Variants in VPS13B observed in about 807,000 individuals in gnomAD.
VPS13B encodes the protein intermembrane lipid transfer protein VPS13B.
A neutral mutation model predicts 426.4 loss-of-function variants in VPS13B; 285 were observed. That is an observed-to-expected ratio of 0.67 (90% confidence interval 0.61 to 0.74). VPS13B has a LOEUF of 0.74. VPS13B is among the 30% of genes least tolerant of loss of function. VPS13B has a pLI of 0.00. For missense variants in VPS13B, 4,537 were observed against 4,782.6 expected, an observed-to-expected ratio of 0.95 and a Z score of 1.51; for synonymous variants, 1,676 against 1,676.4, an observed-to-expected ratio of 1.00 and a Z score of 0.01.
chr8:99,030,143 T>G (rs952468780), intron 2 of VPS13B, among the ~76,000 whole-genome samples: 7 of 149,412 alleles, frequency 4.7e-5, no homozygotes, highest in Non-Finnish European at 7.4e-5. Context: ...TGCTTTTTTT[T>G]TTTTTTTTTT....
intron 15 of VPS13B, among the ~76,000 whole-genome samples, chr8:99,167,601 T>G (rs1289467966): frequency 1.3e-5 from 2 of 152,100 alleles, no homozygotes; most frequent in African/African-American, 4.8e-5. Flanking sequence ...AGAAGTAAGT[T>G]GCCATATAAT....
At chr8:99,388,862 CAG>C (rs1457591226) in intron 20 of VPS13B, among the ~76,000 whole-genome samples, 2 of 152,252 alleles carry the variant, frequency 1.3e-5, no homozygotes, top group East Asian at 3.9e-4. Flanking sequence ...AAAATACACT[CAG>C]AGTTGACTGG....
chr8:99,062,012 T>C (rs1563514742), intron 3 of VPS13B, among the ~76,000 whole-genome samples: 1 of 152,236 alleles, frequency 6.6e-6, no homozygotes, highest in Non-Finnish European at 1.5e-5. Flanking sequence ...TGTTTCACCT[T>C]AGTTGTTAAA....
chr8:99,608,498 C>T (rs987573674), intron 33 of VPS13B, among the ~76,000 whole-genome samples: 1 of 152,116 alleles, frequency 6.6e-6, no homozygotes, highest in Non-Finnish European at 1.5e-5. Context: ...ACAATTCACA[C>T]ATCATACAAT....
intron 25 of VPS13B, among the ~76,000 whole-genome samples, chr8:99,495,903 G>A: frequency 6.6e-6 from 1 of 152,176 alleles, no homozygotes; most frequent in Admixed American, 6.5e-5. Context: ...CGTCTGGTGA[G>A]TAGTGCATGG....
intron 15 of VPS13B, among the ~76,000 whole-genome samples, chr8:99,167,584 A>C (rs1048191910): frequency 4.6e-5 from 7 of 152,000 alleles, no homozygotes; most frequent in Non-Finnish European, 8.8e-5. Context: ...TTTTGGCAAA[A>C]TCTTACAGAA....
At chr8:99,620,866 A>T (rs1192337163) in intron 33 of VPS13B, among the ~76,000 whole-genome samples, 1 of 151,840 alleles carries the variant, frequency 6.6e-6, no homozygotes, top group Non-Finnish European at 1.5e-5. Flanking sequence ...ATGCACCTGT[A>T]ATCCCACTAC....
chr8:99,688,705 C>A (rs149054368), intron 35 of VPS13B, among the ~76,000 whole-genome samples: 2,654 of 152,134 alleles, frequency 0.017, 38 homozygotes, highest in South Asian at 0.03. Context: ...AGGCTTTTGG[C>A]CCCCTAAAGG....
chr8:99,134,245 T>A (rs1258468482), intron 8 of VPS13B, among the ~76,000 whole-genome samples: 1 of 152,158 alleles, frequency 6.6e-6, no homozygotes, highest in African/African-American at 2.4e-5. Flanking sequence ...TGAGAAGTCT[T>A]GGAAATGACT....
Position 99,467,470 on chromosome 8 carries a change from G to GAAA in VPS13B, c.3502_3503insAAA (p.Gly1168delinsGluArg), listed in dbSNP as rs1819169136. ...TAATTTCAGCATATATACCCTTCTT[G>GAAA]GAAAACAAGTGACACTTTGCCTAGT... On this transcript the variant is annotated protein_altering_variant, in exon 24 of 62. Transcript: ENST00000357162. 6.2e-7 allele frequency: 1 copy of GAAA among 1,613,540 alleles called. No homozygotes were observed. The highest frequency in any genetic ancestry group is 1.7e-5 in the Admixed American group (1 of 59,954).
Position 99,575,742 on chromosome 8 carries a change from C to T in VPS13B, c.5034C>T (p.Val1678=), listed in dbSNP as rs1825745616. The change falls in exon 32 of 62, where the codon GTC becomes GTT. Residue 1678 remains valine (V), a synonymous_variant. Transcript: ENST00000357162. ...FSVRITGAPA[V]IFTKVVSPEN... is the part of the protein sequence containing the mutation. The stretch of plus-strand genomic sequence containing the variant: ...TCCGAATAACTGGAGCACCTGCTGT[C>T]ATTTTCACCAAAGTAGTTTCTCCAG... 2 of 1,613,826 alleles carry T rather than the reference C, an allele frequency of 1.2e-6. No homozygotes were observed. Among genetic ancestry groups the T allele is most frequent in the Non-Finnish European group, 1.7e-6 (2 of 1,179,898 alleles).
intron 3 of VPS13B, among the ~76,000 whole-genome samples, chr8:99,076,933 C>G (rs1480746529): frequency 1.3e-5 from 2 of 151,858 alleles, no homozygotes; most frequent in Non-Finnish European, 2.9e-5. Flanking sequence ...ATCCTTTGTT[C>G]CTTTTTCATT....
chr8:99,433,600 A>G (rs529214204), intron 22 of VPS13B, among the ~76,000 whole-genome samples: 3 of 152,332 alleles, frequency 2.0e-5, no homozygotes, highest in South Asian at 4.1e-4. Flanking sequence ...ATTTACTGCA[A>G]GATATTCTGA....
Position 99,744,525 on chromosome 8 carries a change from A to G in VPS13B, c.7051-22249A>G, listed in dbSNP as rs187335699. On this transcript the variant is annotated intron_variant, in intron 39 of 61. Transcript: ENST00000357162. ...GCTATAAAGACACATGCACACGTAT[A>G]TTTATTGCGGCACTATTCACAATAG... 4.9e-3 allele frequency among the ~76,000 whole-genome samples: 747 copies of G among 152,220 alleles called. 5 individuals carry two copies. Among genetic ancestry groups the G allele is most frequent in the African/African-American group, 0.017 (701 of 41,528 alleles).
intron 3 of VPS13B, among the ~76,000 whole-genome samples, chr8:99,066,925 A>G (rs953410613): frequency 6.6e-6 from 1 of 152,238 alleles, no homozygotes; most frequent in African/African-American, 2.4e-5. Flanking sequence ...GAGAAATTCA[A>G]ATGAAAACCA....
intron 19 of VPS13B, among the ~76,000 whole-genome samples, chr8:99,332,030 A>G (rs965474921): frequency 6.6e-6 from 1 of 151,794 alleles, no homozygotes; most frequent in Non-Finnish European, 1.5e-5. Flanking sequence ...TCTTTGTAAC[A>G]ACAGTTTGGC....
chr8:99,400,097 G>C (rs767280292), intron 21 of VPS13B, among the ~76,000 whole-genome samples: 1 of 152,158 alleles, frequency 6.6e-6, no homozygotes, highest in Non-Finnish European at 1.5e-5. Flanking sequence ...GTAGAGCATA[G>C]ACTTCATTAA....
chr8:99,712,753 C>G (rs1210944599), intron 36 of VPS13B, among the ~76,000 whole-genome samples: 1 of 144,518 alleles, frequency 6.9e-6, no homozygotes, highest in Non-Finnish European at 1.5e-5. Flanking sequence ...TTCTGTGTCC[C>G]CAAGCCAAAA....
At position 99,402,657 on chromosome 8, in the gene VPS13B, G is replaced by GA. The variant is rs576317977; in HGVS notation, c.3082+10964dup. 3.5e-3 allele frequency among the ~76,000 whole-genome samples: 512 copies of GA among 144,988 alleles called. 2 individuals carry two copies. The highest frequency in any genetic ancestry group is 0.012 in the African/African-American group (467 of 39,684). ...CTCCTTCTGATCAGAGGAGTAAAAAGAAAAAAAAAAATCAATAGCATCTTC... is the reference window on the plus strand; with the variant it reads ...CTCCTTCTGATCAGAGGAGTAAAAAGAAAAAAAAAAAATCAATAGCATCTTC... On this transcript the variant is annotated intron_variant, in intron 21 of 61. Coordinates refer to ENST00000357162, the MANE Select transcript of VPS13B (RefSeq NM_152564.5).
Sources: gnomAD v4.1 joint callset for allele counts (sites outside exome capture counted in the v4.1 genomes callset) on GRCh38, gnomAD v4.1.1 for gene constraint, MANE v1.5 for transcripts, NCBI Gene and HGNC (gene_info 2026-07-23, HGNC 2026-07-21) for gene names.